Variants in KAZN observed in about 807,000 individuals in gnomAD.
KAZN encodes the protein kazrin, periplakin interacting protein, also known as kazrin.
KAZN carries 40 observed loss-of-function variants against 87.4 expected under a neutral mutation model. That is an observed-to-expected ratio of 0.46 (90% confidence interval 0.36 to 0.60). KAZN has a LOEUF of 0.60. Ranked by LOEUF, KAZN falls within the 20% of genes least tolerant of loss-of-function variation. The pLI is 0.00. For missense variants in KAZN, 898 were observed against 1,073.9 expected (o/e 0.84, Z 2.29); for synonymous variants, 466 against 458.3 (o/e 1.02, Z -0.22).
intron 2 of KAZN, among the ~76,000 whole-genome samples, chr1:14,199,269 C>T (rs1388351874): frequency 6.6e-6 from 1 of 152,138 alleles, no homozygotes; most frequent in Non-Finnish European, 1.5e-5. Flanking sequence ...TTGCTACTCT[C>T]CCACCCTCAC....
At chr1:14,183,984 G>A (rs1646253648) in intron 2 of KAZN, among the ~76,000 whole-genome samples, 1 of 152,118 alleles carries the variant, frequency 6.6e-6, no homozygotes, top group Non-Finnish European at 1.5e-5. Flanking sequence ...GGGACTAAAA[G>A]GAAGAGCTTG....
At chr1:14,547,668 C>T (rs891870754) in intron 2 of KAZN, among the ~76,000 whole-genome samples, 2 of 151,964 alleles carry the variant, frequency 1.3e-5, no homozygotes, top group Non-Finnish European at 2.9e-5. Context: ...CTGCAAGCTC[C>T]GCATCCCGGG....
Position 14,527,070 on chromosome 1 carries a change from GGATTAAAAC to G in KAZN, c.250-71909_250-71901del, listed in dbSNP as rs1214951862. 3.9e-5 allele frequency among the ~76,000 whole-genome samples: 6 copies of G among 152,192 alleles called. No homozygotes were observed. In the East Asian group the frequency reaches 1.2e-3, roughly 29 times the overall value. ...CATAAGAAACATCCCCGAATTCAAT[GGATTAAAAC>G]GATGTATTATCATGTCTCATAGTTG... On this transcript the variant is annotated intron_variant, in intron 2 of 16. Transcript: ENST00000636203.
intron 1 of KAZN, among the ~76,000 whole-genome samples, chr1:14,790,911 C>T (rs1471326521): frequency 3.9e-5 from 6 of 152,152 alleles, no homozygotes; most frequent in African/African-American, 1.2e-4. Context: ...AGGCTGATCT[C>T]GAACTCCTGA....
chr1:15,036,066 TC>T (rs1672228155), intron 3 of KAZN, among the ~76,000 whole-genome samples: 1 of 151,942 alleles, frequency 6.6e-6, no homozygotes, highest in African/African-American at 2.4e-5. Flanking sequence ...CACTGTCACC[TC>T]CCGGGCATGC....
intron 1 of KAZN, among the ~76,000 whole-genome samples, chr1:14,097,134 G>C (rs1644147207): frequency 6.6e-6 from 1 of 152,130 alleles, no homozygotes; most frequent in Non-Finnish European, 1.5e-5. Context: ...GTGGAAGTTG[G>C]AAAGTATAGA....
At chr1:14,762,675 A>C (rs1644773722) in intron 1 of KAZN, among the ~76,000 whole-genome samples, 1 of 151,836 alleles carries the variant, frequency 6.6e-6, no homozygotes, top group Non-Finnish European at 1.5e-5. Flanking sequence ...CAGTGAGCTG[A>C]GATCGCGCCA....
intron 1 of KAZN, among the ~76,000 whole-genome samples, chr1:14,725,769 A>G (rs1460370694): frequency 6.6e-6 from 1 of 152,160 alleles, no homozygotes; most frequent in Non-Finnish European, 1.5e-5. Context: ...AGTGCTGTCA[A>G]AGCCACCTGG....
At chr1:14,199,353 G>T (rs888727526) in intron 2 of KAZN, among the ~76,000 whole-genome samples, 1 of 152,110 alleles carries the variant, frequency 6.6e-6, no homozygotes, top group African/African-American at 2.4e-5. Context: ...TGAGTAGACG[G>T]CTCTCTGTCC....
At chr1:15,055,307 T>C (rs898810251) in intron 4 of KAZN, among the ~76,000 whole-genome samples, 3 of 152,094 alleles carry the variant, frequency 2.0e-5, no homozygotes, top group Non-Finnish European at 4.4e-5. Flanking sequence ...TGAAACCCCA[T>C]CTCTACTAAA....
rs144385273 is a variant in KAZN, at chr1:14,315,075, G to A, written c.249+134483G>A. Among the ~76,000 whole-genome samples, 46 of 152,200 alleles carry A rather than the reference G, an allele frequency of 3.0e-4. No individual in the cohort carries two copies. The East Asian group carries it at 8.3e-3, about 27-fold the overall frequency. On this transcript the variant is annotated intron_variant, in intron 2 of 16. Transcript: ENST00000636203. ...TTTGTTTATCCATTCATCAGTTGAT[G>A]GACAACTGTTTTTCTTTTTCACTTT... is the stretch of plus-strand genomic sequence containing the variant.
chr1:14,834,808 TTATTAG>T (rs3863764), intron 1 of KAZN, among the ~76,000 whole-genome samples: 31,699 of 151,516 alleles, frequency 0.21, 4,354 homozygotes, highest in African/African-American at 0.39. Flanking sequence ...CCTAGGGGAA[TTATTAG>T]TATTAGTATT....
intron 2 of KAZN, among the ~76,000 whole-genome samples, chr1:14,260,338 T>A (rs1186052630): frequency 6.6e-6 from 1 of 152,086 alleles, no homozygotes; most frequent in Non-Finnish European, 1.5e-5. Flanking sequence ...ACAGGAAGAC[T>A]TACAAGGGAG....
Position 14,205,884 on chromosome 1 carries a change from C to CAAAAAAAAAAAAAAAAAAAAAAAA in KAZN, c.249+25314_249+25315insAAAAAAAAAAAAAAAAAAAAAAAA, listed in dbSNP as rs70997121. ...CAGGCGACAGAGCAAGACACTGTCT[C>CAAAAAAAAAAAAAAAAAAAAAAAA]AAAAAAAAAAAAAAAAAAAAAAGCT... is the stretch of plus-strand genomic sequence containing the variant. On this transcript the variant is annotated intron_variant, in intron 2 of 16. Transcript: ENST00000636203. 4.0e-4 allele frequency among the ~76,000 whole-genome samples: 14 copies of CAAAAAAAAAAAAAAAAAAAAAAAA among 35,214 alleles called. 4 individuals carry two copies. The highest frequency in any genetic ancestry group is 9.3e-4 in the East Asian group (1 of 1,070). 23.1% of individuals were successfully genotyped at this position (35,214 alleles called of 152,430 possible).
chr1:14,939,444 A>T (rs983671209), intron 1 of KAZN, among the ~76,000 whole-genome samples: 1 of 149,530 alleles, frequency 6.7e-6, no homozygotes, highest in Non-Finnish European at 1.5e-5. Context: ...TAATTTTTAA[A>T]ACATTTTGTT....
rs534342301 is a variant in KAZN, at chr1:14,984,948, C to T, written c.418+24073C>T. ...GTCAGGAGTTCAAGACCAGCCTGGC[C>T]AATATGATGAAACCTCGTCTCTACT... On this transcript the variant is annotated intron_variant, in intron 2 of 14. Coordinates refer to ENST00000376030, the MANE Select transcript of KAZN (RefSeq NM_201628.3). Among the ~76,000 whole-genome samples, 363 of 151,704 alleles carry T rather than the reference C, an allele frequency of 2.4e-3. 2 individuals carry two copies. Among genetic ancestry groups the T allele is most frequent in the Middle Eastern group, 0.014 (4 of 294 alleles).
chr1:14,590,045 T>A, intron 2 of KAZN, among the ~76,000 whole-genome samples: 1 of 152,088 alleles, frequency 6.6e-6, no homozygotes, highest in East Asian at 1.9e-4. Flanking sequence ...CTGAGTTTCA[T>A]CTTATGAAAC....
intron 1 of KAZN, among the ~76,000 whole-genome samples, chr1:14,664,336 G>A (rs1308567662): frequency 6.6e-6 from 1 of 152,132 alleles, no homozygotes; most frequent in African/African-American, 2.4e-5. Context: ...GGGAGGCTGA[G>A]GCATGAGAAT....
chr1:14,825,964 C>G (rs767952285), intron 1 of KAZN, among the ~76,000 whole-genome samples: 1 of 152,206 alleles, frequency 6.6e-6, no homozygotes, highest in Non-Finnish European at 1.5e-5. Flanking sequence ...TCAGTGAACA[C>G]GCTCTGAATT....
Sources: allele counts gnomAD v4.1 joint callset (sites outside exome capture counted in the v4.1 genomes callset), GRCh38; gene constraint gnomAD v4.1.1; transcripts MANE v1.5; gene names NCBI Gene and HGNC (gene_info 2026-07-23, HGNC 2026-07-21).